CFAP20DC: variants seen among roughly 807,000 people sequenced by gnomAD.
The protein encoded by CFAP20DC is protein CFAP20DC.
Under a neutral mutation model 101.7 loss-of-function variants are expected in CFAP20DC, and 84 were observed. That is an observed-to-expected ratio of 0.83 (90% CI 0.69 to 0.99). The LOEUF is 0.99. CFAP20DC is among the 50% of genes least tolerant of loss of function. The pLI is 0.00. For synonymous variants in CFAP20DC, 359 were observed against 351.2 expected (o/e 1.02, Z -0.25); for missense variants, 1,007 against 970.3 (o/e 1.04, Z -0.50).
chr3:58,824,406 T>G (rs1242898145), intron 14 of CFAP20DC: 1 of 152,168 alleles, frequency 6.6e-6, no homozygotes, highest in African/African-American at 2.4e-5. Flanking sequence ...TTGGTGGCGC[T>G]GTTGCTATGT....
intron 4 of CFAP20DC, among the ~76,000 whole-genome samples, chr3:58,966,489 T>TATATATATATATATATAC (rs560664262): frequency 1.7e-5 from 2 of 116,586 alleles, no homozygotes; most frequent in African/African-American, 5.4e-5. Context: ...TATATATATA[T>TATATATATATATATATAC]ACACATATGT....
At chr3:58,927,687 T>C (rs1320447688) in intron 5 of CFAP20DC, among the ~76,000 whole-genome samples, 1 of 152,198 alleles carries the variant, frequency 6.6e-6, no homozygotes, top group Non-Finnish European at 1.5e-5. Context: ...ATTCTACTAG[T>C]TCCTAAGGGG....
At chr3:58,993,939 T>C (rs757165835) in intron 4 of CFAP20DC, among the ~76,000 whole-genome samples, 2 of 152,172 alleles carry the variant, frequency 1.3e-5, no homozygotes, top group Non-Finnish European at 2.9e-5. Context: ...TTCCTTTGGG[T>C]ATATACCCAG....
At chr3:58,828,638 G>A (rs186015106) in intron 14 of CFAP20DC, among the ~76,000 whole-genome samples, 1 of 152,160 alleles carries the variant, frequency 6.6e-6, no homozygotes, top group East Asian at 1.9e-4. Flanking sequence ...TAGAAACTGG[G>A]GACTGCTAAA....
At position 58,863,546 on chromosome 3, in the gene CFAP20DC, C is replaced by T. The variant is rs375445285; in HGVS notation, c.1593+12G>A. On this transcript the variant is annotated intron_variant, in intron 12 of 16. Transcript: ENST00000482387. This position sits in a 1 kb window ranked among gnomAD's most constrained non-coding sequence, Gnocchi z 5.9. Reference sequence around the variant, plus strand: ...TGTGCTTCAAGACTACTTCACTTATCAAGCAGTGTACCTCTTCACTGCTGT... The same window carrying T: ...TGTGCTTCAAGACTACTTCACTTATTAAGCAGTGTACCTCTTCACTGCTGT... The T allele has an allele frequency of 9.9e-6, 16 of 1,613,106 alleles. No homozygotes were observed. The highest frequency in any genetic ancestry group is 1.4e-5 in the Non-Finnish European group (16 of 1,179,812).
intron 16 of CFAP20DC, among the ~76,000 whole-genome samples, chr3:58,746,274 G>A (rs1276227563): frequency 6.6e-6 from 1 of 151,980 alleles, no homozygotes; most frequent in East Asian, 1.9e-4. Context: ...TATCCCTGAG[G>A]TAAATGATTA....
chr3:58,829,931 G>A (rs2076285734), intron 14 of CFAP20DC, among the ~76,000 whole-genome samples: 1 of 152,158 alleles, frequency 6.6e-6, no homozygotes, highest in Non-Finnish European at 1.5e-5. Flanking sequence ...CAGTTTAAAT[G>A]ACTGCTGCAG....
chr3:58,814,487 G>A (rs984346121), intron 14 of CFAP20DC, among the ~76,000 whole-genome samples: 1 of 151,098 alleles, frequency 6.6e-6, no homozygotes, highest in Non-Finnish European at 1.5e-5. Flanking sequence ...ATTCAACATA[G>A]TGTTGGAAGT....
chr3:58,769,690 C>G (rs573943917), intron 15 of CFAP20DC, among the ~76,000 whole-genome samples: 1 of 152,098 alleles, frequency 6.6e-6, no homozygotes, highest in Non-Finnish European at 1.5e-5. Context: ...GACATGTCTC[C>G]CCTCCTAAAA....
intron 13 of CFAP20DC, among the ~76,000 whole-genome samples, chr3:58,843,816 C>T (rs1186178470): frequency 3.8e-4 from 55 of 146,044 alleles, no homozygotes; most frequent in African/African-American, 6.6e-4. Context: ...GCGGATCTCT[C>T]GGCAGAAACC....
At chr3:58,929,903 G>C (rs1400187153) in intron 5 of CFAP20DC, among the ~76,000 whole-genome samples, 1 of 152,010 alleles carries the variant, frequency 6.6e-6, no homozygotes, top group Non-Finnish European at 1.5e-5. Flanking sequence ...GTTCTCCCTT[G>C]TTGGAACCTC....
chr3:58,891,257 C>A (rs975530906), intron 6 of CFAP20DC, among the ~76,000 whole-genome samples: 6 of 151,972 alleles, frequency 3.9e-5, no homozygotes, highest in Admixed American at 1.3e-4. Context: ...ACCCCGTCTC[C>A]ACCAAAACCA....
At position 58,795,733 on chromosome 3, in the gene CFAP20DC, ATCTATTGT is replaced by A. The variant is rs2107660362; in HGVS notation, c.2237+10654_2237+10661del. 6.6e-6 allele frequency among the ~76,000 whole-genome samples: 1 copy of A among 152,322 alleles called. No homozygotes were observed. The highest frequency in any genetic ancestry group is 1.5e-5 in the Non-Finnish European group (1 of 68,026). The stretch of plus-strand genomic sequence containing the variant: ...TTGGGAGGTGAGGGGAGAAGATGTG[ATCTATTGT>A]TCTGAAACTCCTAGGGGAATGGGTT... On this transcript the variant is annotated intron_variant, in intron 15 of 16. Coordinates refer to ENST00000482387, the MANE Select transcript of CFAP20DC (RefSeq NM_001394063.1). This position sits in a 1 kb window ranked among gnomAD's most constrained non-coding sequence, Gnocchi z 4.2.
chr3:58,926,940 T>A (rs1217440405), intron 5 of CFAP20DC, among the ~76,000 whole-genome samples: 1 of 152,210 alleles, frequency 6.6e-6, no homozygotes, highest in African/African-American at 2.4e-5. Flanking sequence ...TACTGTACAT[T>A]AATACATACT....
rs919173934 is a variant in CFAP20DC at position 58,788,744 on chromosome 3, C to T, written c.2237+17651G>A. Among the ~76,000 whole-genome samples the T allele has an allele frequency of 2.0e-5, 3 of 152,034 alleles. No individual in the cohort carries two copies. Among genetic ancestry groups the T allele is most frequent in the Non-Finnish European group, 2.9e-5 (2 of 68,000 alleles). On this transcript the variant is annotated intron_variant, in intron 15 of 16. Transcript: ENST00000482387. This position sits in a 1 kb window ranked among gnomAD's most constrained non-coding sequence, Gnocchi z 4.2. ...CTTAAACTTCCTTTTAGCCTTGTGA[C>T]CTTTGAGCCAAACTCTGTGTCTCTT...
intron 4 of CFAP20DC, among the ~76,000 whole-genome samples, chr3:59,034,376 C>T (rs1047771254): frequency 2.0e-5 from 3 of 152,058 alleles, no homozygotes; most frequent in Non-Finnish European, 4.4e-5. Context: ...AAGCTAAATG[C>T]CCCCAATTAA....
intron 15 of CFAP20DC, among the ~76,000 whole-genome samples, chr3:58,759,517 G>A (rs1267501738): frequency 6.6e-6 from 1 of 152,148 alleles, no homozygotes; most frequent in Admixed American, 6.5e-5. Flanking sequence ...TTCTTTTGCT[G>A]TGCAGAAGCT....
chr3:58,947,691 G>T (rs2089539525), intron 4 of CFAP20DC, among the ~76,000 whole-genome samples: 1 of 152,178 alleles, frequency 6.6e-6, no homozygotes, highest in Non-Finnish European at 1.5e-5. Context: ...GCTGTGTTGT[G>T]CAGCGTCTTT....
At chr3:58,771,169 G>A (rs1179307487) in intron 15 of CFAP20DC, among the ~76,000 whole-genome samples, 7 of 151,812 alleles carry the variant, frequency 4.6e-5, no homozygotes, top group Non-Finnish European at 8.8e-5. Flanking sequence ...CAAACACTGC[G>A]TGTTCTCACT....
Sources: allele counts gnomAD v4.1 joint callset (sites outside exome capture counted in the v4.1 genomes callset), GRCh38; gene constraint gnomAD v4.1.1; non-coding constraint Gnocchi (gnomAD v3.1); transcripts MANE v1.5; gene names NCBI Gene and HGNC (gene_info 2026-07-23, HGNC 2026-07-21).